Variants in MACROD2 observed in about 807,000 individuals in gnomAD.
The protein encoded by MACROD2 is ADP-ribose glycohydrolase MACROD2.
A neutral mutation model predicts 70.4 loss-of-function variants in MACROD2; 36 were observed. The ratio of observed to expected loss-of-function variants is 0.51; its 90% CI spans 0.39 to 0.68. MACROD2 has a LOEUF of 0.68. Among genes scored for constraint, MACROD2 ranks in the 30% least tolerant of loss-of-function variants. The pLI is 0.00. For synonymous variants in MACROD2, 172 were observed against 178.8 expected, an observed-to-expected ratio of 0.96 and a Z score of 0.30; for missense variants, 496 against 538.4, an observed-to-expected ratio of 0.92 and a Z score of 0.78.
At chr20:14,088,256 G>T (rs905881107) in intron 3 of MACROD2, among the ~76,000 whole-genome samples, 3 of 150,808 alleles carry the variant, frequency 2.0e-5, no homozygotes, top group Non-Finnish European at 2.9e-5. Context: ...CTTGAACCCG[G>T]GAGGCAGAGG....
At chr20:15,862,915 G>A in intron 9 of MACROD2, 89 bp downstream of exon 9, 1 of 970,558 alleles carries the variant, frequency 1.0e-6, no homozygotes, top group South Asian at 1.6e-5. Flanking sequence ...TCATCTTCAG[G>A]ACTGTTACAC....
At chr20:15,092,264 TG>T (rs2075798045) in intron 5 of MACROD2, among the ~76,000 whole-genome samples, 2 of 151,800 alleles carry the variant, frequency 1.3e-5, no homozygotes, top group Non-Finnish European at 2.9e-5. Context: ...AATTTTCAAA[TG>T]TGGGTTAACA....
chr20:15,718,006 T>C (rs1396613032), intron 8 of MACROD2, among the ~76,000 whole-genome samples: 3 of 149,748 alleles, frequency 2.0e-5, no homozygotes, highest in Non-Finnish European at 4.4e-5. Flanking sequence ...TGTTTTTTAT[T>C]GTGTTTTCTC....
intron 4 of MACROD2, among the ~76,000 whole-genome samples, chr20:14,497,787 G>A (rs956426191): frequency 6.6e-6 from 1 of 151,706 alleles, no homozygotes; most frequent in South Asian, 2.1e-4. Flanking sequence ...ATATATATTT[G>A]CATCAATGCT....
chr20:15,302,245 G>A (rs931550700), intron 6 of MACROD2, among the ~76,000 whole-genome samples: 4 of 151,972 alleles, frequency 2.6e-5, no homozygotes, highest in Non-Finnish European at 4.4e-5. Flanking sequence ...CTTTGACATC[G>A]TTGACTATAT....
At chr20:16,013,092 A>G (rs907154272) in intron 15 of MACROD2, among the ~76,000 whole-genome samples, 2 of 152,212 alleles carry the variant, frequency 1.3e-5, no homozygotes, top group Non-Finnish European at 2.9e-5. Flanking sequence ...AGGCAAGAGA[A>G]TCACTTGAAC....
chr20:15,382,578 A>G (rs2045658665), intron 6 of MACROD2, among the ~76,000 whole-genome samples: 1 of 152,230 alleles, frequency 6.6e-6, no homozygotes. Context: ...CACTTGATGA[A>G]GCAGACTCAG....
At chr20:14,233,542 A>T (rs1179721401) in intron 3 of MACROD2, among the ~76,000 whole-genome samples, 1 of 133,770 alleles carries the variant, frequency 7.5e-6, no homozygotes, top group African/African-American at 2.7e-5. Flanking sequence ...AAAAAAAAAA[A>T]TTAGCCAGGT....
chr20:14,894,716 A>G (rs1459948171), intron 5 of MACROD2: 2 of 152,202 alleles, frequency 1.3e-5, no homozygotes, highest in Non-Finnish European at 2.9e-5. Context: ...ATAGCAAATA[A>G]CATAACAAAA....
intron 5 of MACROD2, among the ~76,000 whole-genome samples, chr20:14,689,665 A>G (rs913914914): frequency 3.3e-5 from 5 of 152,022 alleles, no homozygotes; most frequent in Non-Finnish European, 2.9e-5. Context: ...TGTCTTCCAG[A>G]CTCAGTTCAA....
rs1322840261 is a variant in MACROD2, at chr20:15,570,881, C to CA, written c.645+71042dup. Among the ~76,000 whole-genome samples the CA allele has an allele frequency of 1.7e-4, 25 of 148,970 alleles. 1 individual carries two copies. Among genetic ancestry groups the CA allele is most frequent in the South Asian group, 8.5e-4 (4 of 4,726 alleles). Reference sequence around the variant, plus strand: ...TAGAGGTTGTTGCCAGATCCACAGACAAAAAAAAGAAAAGAAAAGGAAAAA... The same window carrying CA: ...TAGAGGTTGTTGCCAGATCCACAGACAAAAAAAAAGAAAAGAAAAGGAAAAA... On this transcript the variant is annotated intron_variant, in intron 8 of 17. Coordinates refer to ENST00000684519, the MANE Select transcript of MACROD2 (RefSeq NM_001351661.2).
intron 4 of MACROD2, among the ~76,000 whole-genome samples, chr20:14,596,246 A>T (rs1000546079): frequency 3.3e-5 from 5 of 151,534 alleles, no homozygotes; most frequent in Admixed American, 6.6e-5. Flanking sequence ...CCCGCCACCA[A>T]GCCCGGCTGA....
At chr20:14,633,663 CG>C (rs1246553793) in intron 4 of MACROD2, among the ~76,000 whole-genome samples, 3 of 152,168 alleles carry the variant, frequency 2.0e-5, no homozygotes, top group Non-Finnish European at 4.4e-5. Context: ...TCCCAGTTAT[CG>C]AGGCTTCCCT....
chr20:14,231,912 G>A (rs1401680784), intron 3 of MACROD2, among the ~76,000 whole-genome samples: 3 of 152,166 alleles, frequency 2.0e-5, no homozygotes, highest in Non-Finnish European at 2.9e-5. Flanking sequence ...ATTTTTTCAT[G>A]TGTCTTTTGG....
At chr20:14,044,811 T>G (rs1252808352) in intron 2 of MACROD2, among the ~76,000 whole-genome samples, 1 of 152,224 alleles carries the variant, frequency 6.6e-6, no homozygotes, top group Non-Finnish European at 1.5e-5. Flanking sequence ...TGCCTGCCAC[T>G]TCTGTGCTGT....
intron 5 of MACROD2, among the ~76,000 whole-genome samples, chr20:15,159,623 G>A (rs563999198): frequency 6.6e-5 from 1 of 15,052 alleles, no homozygotes; most frequent in Non-Finnish European, 1.2e-4. Flanking sequence ...TAAGGAGATT[G>A]ATTGATTGGT....
rs781645722 is a variant in MACROD2 at position 14,085,626 on chromosome 20, A to G, written c.169A>G (p.Asn57Asp). 2.6e-6 allele frequency: 4 copies of G among 1,543,920 alleles called. No individual in the cohort carries two copies. The South Asian group carries it at 3.9e-5, about 15-fold the overall frequency. The change falls in exon 3 of 18, where the codon AAT (asparagine) becomes GAT (aspartate). Residue 57 changes from asparagine to aspartate, a missense_variant. Transcript: ENST00000684519. ...MKGKGQNDEENTQETSQVKKS... is the reference protein window; with the variant it reads ...MKGKGQNDEEDTQETSQVKKS... ...ATATCCATTTTCTATTACAGAAGAA[A>G]ATACTCAGGAAACATCCCAGGTGAA...
Position 14,757,540 on chromosome 20 carries a change from C to G in MACROD2, c.418+72581C>G, listed in dbSNP as rs149810252. On this transcript the variant is annotated intron_variant, in intron 5 of 17. Transcript: ENST00000684519. ...TTAAAAGACTGTATCTAGGCCCTGGCCCCGGACCCTACAGCCATCAAGATG... is the reference window on the plus strand; with the variant it reads ...TTAAAAGACTGTATCTAGGCCCTGGGCCCGGACCCTACAGCCATCAAGATG... 1.1e-4 allele frequency: 86 copies of G among 777,152 alleles called. No homozygotes were observed. The East Asian group carries it at 2.3e-3, about 21-fold the overall frequency. 48.1% of individuals were successfully genotyped at this position (777,152 alleles called of 1,614,324 possible). A position where few individuals can be genotyped will look rare whatever the true frequency, so the allele number is the denominator to read the frequency against.
At chr20:15,283,194 G>T (rs1396945745) in intron 6 of MACROD2, among the ~76,000 whole-genome samples, 1 of 152,086 alleles carries the variant, frequency 6.6e-6, no homozygotes, top group Non-Finnish European at 1.5e-5. Context: ...ATGAGATTTG[G>T]GTGGGGACAC....
Sources: gnomAD v4.1 joint callset for allele counts (sites outside exome capture counted in the v4.1 genomes callset) on GRCh38, gnomAD v4.1.1 for gene constraint, MANE v1.5 for transcripts, NCBI Gene and HGNC (gene_info 2026-07-23, HGNC 2026-07-21) for gene names.